The following JAKMIP2 variants were observed in gnomAD, a reference collection of about 807,000 sequenced individuals.
JAKMIP2 encodes janus kinase and microtubule-interacting protein 2.
Under a neutral mutation model 115.0 loss-of-function variants are expected in JAKMIP2, and 25 were observed. The observed-to-expected ratio is 0.22, with a 90% CI of 0.16 to 0.30. The LOEUF (loss-of-function observed/expected upper bound fraction) is 0.30. Among genes scored for constraint, JAKMIP2 ranks in the 10% least tolerant of loss-of-function variants. The pLI is 1.00. For synonymous variants in JAKMIP2, 334 were observed against 343.6 expected, an observed-to-expected ratio of 0.97 and a Z score of 0.31; for missense variants, 642 against 957.6, an observed-to-expected ratio of 0.67 and a Z score of 4.35.
chr5:147,623,791 G>C, intron 16 of JAKMIP2, 102 bp from the exon 17 acceptor site: 1 of 659,792 alleles, frequency 1.5e-6, no homozygotes, highest in South Asian at 1.9e-5. Context: ...TATATCTCAG[G>C]AAGAAGACTG....
At chr5:147,592,738 A>G (rs1755158674) in intron 21 of JAKMIP2, among the ~76,000 whole-genome samples, 2 of 152,220 alleles carry the variant, frequency 1.3e-5, no homozygotes, top group African/African-American at 4.8e-5. Context: ...TTCTGTAGAA[A>G]GACTTTACTA....
intron 19 of JAKMIP2, among the ~76,000 whole-genome samples, chr5:147,615,537 C>G (rs1056052287): frequency 1.3e-5 from 2 of 151,942 alleles, no homozygotes; most frequent in Non-Finnish European, 2.9e-5. Context: ...CTCTACTCAA[C>G]TGGAAATTGG....
intron 1 of JAKMIP2, among the ~76,000 whole-genome samples, chr5:147,705,459 C>T (rs994088461): frequency 4.6e-5 from 7 of 151,700 alleles, no homozygotes; most frequent in African/African-American, 1.7e-4. Context: ...AAAAATTAGC[C>T]GAGAATCATT....
At chr5:147,736,904 A>G (rs1561568305) in intron 1 of JAKMIP2, among the ~76,000 whole-genome samples, 1 of 152,154 alleles carries the variant, frequency 6.6e-6, no homozygotes, top group Non-Finnish European at 1.5e-5. Context: ...GTAAGATTTG[A>G]GTTGTGCTTA....
intron 1 of JAKMIP2, among the ~76,000 whole-genome samples, chr5:147,703,119 C>G (rs553944685): frequency 6.6e-6 from 1 of 152,138 alleles, no homozygotes; most frequent in East Asian, 1.9e-4. Context: ...GATATACAGT[C>G]ATGTGTAATT....
intron 1 of JAKMIP2, among the ~76,000 whole-genome samples, chr5:147,688,522 C>T (rs1760679240): frequency 1.3e-5 from 2 of 152,120 alleles, no homozygotes; most frequent in South Asian, 4.1e-4. Context: ...TGATTAAATG[C>T]AACTAATAAT....
At chr5:147,593,094 C>G (rs1755179137) in intron 21 of JAKMIP2, among the ~76,000 whole-genome samples, 1 of 152,186 alleles carries the variant, frequency 6.6e-6, no homozygotes, top group Admixed American at 6.5e-5. Flanking sequence ...TTCTCATCTT[C>G]CCTTGCTTAT....
intron 10 of JAKMIP2, 151 bp downstream of exon 10, chr5:147,639,481 T>A: frequency 1.2e-6 from 1 of 827,020 alleles, no homozygotes; most frequent in Non-Finnish European, 1.8e-6. Context: ...AGAGTCAAGG[T>A]TTGTTGACAT....
At chr5:147,706,997 G>A (rs1752583454) in intron 1 of JAKMIP2, among the ~76,000 whole-genome samples, 1 of 152,090 alleles carries the variant, frequency 6.6e-6, no homozygotes, top group South Asian at 2.1e-4. Flanking sequence ...TTACCTGTGT[G>A]TTATACTTTC....
At position 147,648,391 on chromosome 5, in the gene JAKMIP2, A is replaced by G; in HGVS notation, c.921T>C (p.Asp307=). 6.2e-7 allele frequency: 1 copy of G among 1,600,404 alleles called. No homozygotes were observed. The highest frequency in any genetic ancestry group is 1.3e-5 in the African/African-American group (1 of 74,724). The change falls in exon 5 of 22, where the codon GAT becomes GAC. Residue 307 remains aspartate (D), a synonymous_variant. Coordinates refer to ENST00000616793, the MANE Select transcript of JAKMIP2 (RefSeq NM_001270941.2). ...TATATCTCACCAGTTCATTTCGTTCATCTCCAAGCAAGGTATTCCTGTCTT... is the reference window on the plus strand; with the variant it reads ...TATATCTCACCAGTTCATTTCGTTCGTCTCCAAGCAAGGTATTCCTGTCTT... ...KLEDRNTLLG[D]ERNELLKRVR... is the part of the protein sequence containing the mutation.
In JAKMIP2 at chr5:147,585,981, T is replaced by A. The variant is rs1299041644; in HGVS notation, c.*5726A>T. On this transcript the variant is annotated 3_prime_UTR_variant, in exon 22 of 22. Coordinates refer to ENST00000616793, the MANE Select transcript of JAKMIP2 (RefSeq NM_001270941.2). ...GTTGCTCTTTCAAAAAAAAGAAACA[T>A]CAACCAACCAACCAAACAAATAAAA... The A allele has an allele frequency of 6.6e-6, 1 of 151,148 alleles. No homozygotes were observed. Among genetic ancestry groups the A allele is most frequent in the Non-Finnish European group, 1.5e-5 (1 of 67,854 alleles). 9.4% of individuals were successfully genotyped at this position (151,148 alleles called of 1,614,324 possible). A position where few individuals can be genotyped will look rare whatever the true frequency, so the allele number is the denominator to read the frequency against.
intron 21 of JAKMIP2, among the ~76,000 whole-genome samples, chr5:147,596,782 C>CTTT (rs1173364925): frequency 6.6e-6 from 1 of 152,128 alleles, no homozygotes; most frequent in East Asian, 1.9e-4. Context: ...TATATTTACA[C>CTTT]AAAAAGGAAT....
intron 5 of JAKMIP2, among the ~76,000 whole-genome samples, chr5:147,645,579 C>T (rs73268166): frequency 0.013 from 1,954 of 152,270 alleles, 46 homozygotes; most frequent in African/African-American, 0.045. Context: ...GTAAGGATAT[C>T]AAATTCTCCC....
At chr5:147,754,603 AT>A (rs1754679577) in intron 1 of JAKMIP2, among the ~76,000 whole-genome samples, 1 of 152,116 alleles carries the variant, frequency 6.6e-6, no homozygotes, top group African/African-American at 2.4e-5. Flanking sequence ...TAAGAGTTGC[AT>A]TTTGGGTGAT....
At chr5:147,629,865 A>AG in intron 14 of JAKMIP2, 119 bp from the exon 15 acceptor site, 1 of 705,958 alleles carries the variant, frequency 1.4e-6, no homozygotes, top group South Asian at 1.9e-5. Context: ...GATGTTTTCA[A>AG]TCTGGCACAC....
At chr5:147,708,208 A>G (rs1003317010) in intron 1 of JAKMIP2, among the ~76,000 whole-genome samples, 3 of 152,180 alleles carry the variant, frequency 2.0e-5, no homozygotes, top group African/African-American at 7.2e-5. Context: ...AAAAATGAAA[A>G]ACAAAATCAA....
intron 2 of JAKMIP2, among the ~76,000 whole-genome samples, chr5:147,663,968 C>G (rs950611831): frequency 1.3e-5 from 2 of 152,180 alleles, no homozygotes; most frequent in African/African-American, 4.8e-5. Flanking sequence ...AAAATATACT[C>G]TGGATTTCGA....
At chr5:147,702,617 AAAG>A (rs1223614073) in intron 1 of JAKMIP2, among the ~76,000 whole-genome samples, 1 of 98,854 alleles carries the variant, frequency 1.0e-5, no homozygotes, top group Non-Finnish European at 2.0e-5. Context: ...AGAAAGAAAG[AAAG>A]AAAGAAAGAA....
At chr5:147,777,314 A>G (rs1050350135) in intron 1 of JAKMIP2, among the ~76,000 whole-genome samples, 11 of 152,212 alleles carry the variant, frequency 7.2e-5, no homozygotes, top group Non-Finnish European at 1.5e-4. Flanking sequence ...CAAGTGGGGG[A>G]AAAACAGCTT....
Sources: allele counts gnomAD v4.1 joint callset (sites outside exome capture counted in the v4.1 genomes callset), GRCh38; gene constraint gnomAD v4.1.1; transcripts MANE v1.5; gene names NCBI Gene and HGNC (gene_info 2026-07-23, HGNC 2026-07-21).